PPP3CA: variants seen among roughly 807,000 people sequenced by gnomAD.
PPP3CA encodes the protein CAM-PRP catalytic subunit.
PPP3CA carries 14 observed loss-of-function variants against 66.5 expected under a neutral mutation model. The ratio of observed to expected loss-of-function variants is 0.21; its 90% CI spans 0.14 to 0.33. PPP3CA has a LOEUF of 0.33. PPP3CA is among the 10% of genes least tolerant of loss of function. The pLI, the probability that PPP3CA is intolerant of heterozygous loss-of-function variation, is 1.00. For synonymous variants in PPP3CA, 232 were observed against 226.2 expected (o/e 1.03, Z -0.23); for missense variants, 317 against 639.5 (o/e 0.50, Z 5.44).
chr4:101,320,165 TCA>T (rs533028829), intron 1 of PPP3CA, among the ~76,000 whole-genome samples: 35 of 150,580 alleles, frequency 2.3e-4, no homozygotes, highest in Non-Finnish European at 2.2e-4. Flanking sequence ...GTACATGTAC[TCA>T]CACACACACA....
chr4:101,184,858 G>T (rs1301196366), intron 2 of PPP3CA, among the ~76,000 whole-genome samples: 8 of 152,072 alleles, frequency 5.3e-5, no homozygotes, highest in Non-Finnish European at 7.4e-5. Flanking sequence ...GGCTAAACTA[G>T]GTGCTTTATT....
intron 1 of PPP3CA, among the ~76,000 whole-genome samples, chr4:101,260,934 TAAAAGA>T (rs1450688267): frequency 1.3e-5 from 2 of 152,090 alleles, no homozygotes; most frequent in Non-Finnish European, 2.9e-5. Flanking sequence ...AATGAGTTCT[TAAAAGA>T]AAGGATACAA....
At chr4:101,151,287 G>T (rs934442147) in intron 2 of PPP3CA, among the ~76,000 whole-genome samples, 3 of 151,998 alleles carry the variant, frequency 2.0e-5, no homozygotes, top group Admixed American at 1.3e-4. Context: ...CTCTCAGGCC[G>T]GGCACGGTGG....
In PPP3CA at chr4:101,162,631, C is replaced by T. The variant is rs115545252; in HGVS notation, c.259+33285G>A. Among the ~76,000 whole-genome samples, 597 of 152,076 alleles carry T rather than the reference C, an allele frequency of 3.9e-3. 8 individuals carry two copies. The highest frequency in any genetic ancestry group is 0.014 in the African/African-American group (565 of 41,460). Reference sequence around the variant, plus strand: ...TCTTTGACACTTTGTGGAATATAAACGTGACCCCCTGTGCAACATTTGACA... The same window carrying T: ...TCTTTGACACTTTGTGGAATATAAATGTGACCCCCTGTGCAACATTTGACA... On this transcript the variant is annotated intron_variant, in intron 2 of 13. Transcript: ENST00000394854.
At chr4:101,133,199 ATG>A (rs2110284571) in intron 2 of PPP3CA, among the ~76,000 whole-genome samples, 1 of 152,314 alleles carries the variant, frequency 6.6e-6, no homozygotes, top group African/African-American at 2.4e-5. Context: ...CAAGACAAGG[ATG>A]GCCTCTCTCA....
At chr4:101,310,785 T>C (rs952474621) in intron 1 of PPP3CA, among the ~76,000 whole-genome samples, 1 of 152,152 alleles carries the variant, frequency 6.6e-6, no homozygotes. Context: ...TTCAATACAA[T>C]GAAAGCACAA....
intron 13 of PPP3CA, among the ~76,000 whole-genome samples, chr4:101,026,367 G>A (rs1726651045): frequency 1.3e-5 from 2 of 152,148 alleles, no homozygotes; most frequent in African/African-American, 4.8e-5. Flanking sequence ...ACATAAAGAG[G>A]AAAGCTGCTT....
At chr4:101,237,421 A>G (rs1726164429) in intron 1 of PPP3CA, among the ~76,000 whole-genome samples, 1 of 152,040 alleles carries the variant, frequency 6.6e-6, no homozygotes. Flanking sequence ...ATGTCCACAC[A>G]AAGTAGCATG....
chr4:101,240,084 A>G (rs3804403), intron 1 of PPP3CA, among the ~76,000 whole-genome samples: 99,282 of 148,664 alleles, frequency 0.67, 34,131 homozygotes, highest in Middle Eastern at 0.76. Flanking sequence ...CTGGAACACA[A>G]GATCAACTGG....
chr4:101,232,423 T>C (rs1200695223), intron 1 of PPP3CA, among the ~76,000 whole-genome samples: 1 of 151,640 alleles, frequency 6.6e-6, no homozygotes, highest in South Asian at 2.1e-4. Context: ...AATTATTTTC[T>C]TCAAAAAAAA....
At chr4:101,045,388 G>A (rs1475146323) in intron 10 of PPP3CA, among the ~76,000 whole-genome samples, 1 of 152,188 alleles carries the variant, frequency 6.6e-6, no homozygotes, top group African/African-American at 2.4e-5. Context: ...TCAGCTGTAG[G>A]GGAAACATTT....
chr4:101,181,539 T>C (rs1402475823), intron 2 of PPP3CA, among the ~76,000 whole-genome samples: 2 of 152,084 alleles, frequency 1.3e-5, no homozygotes, highest in Non-Finnish European at 2.9e-5. Flanking sequence ...TGCGAATAGT[T>C]TTGTCAATTT....
intron 2 of PPP3CA, among the ~76,000 whole-genome samples, chr4:101,112,172 T>C (rs146541458): frequency 9.1e-4 from 139 of 152,206 alleles, no homozygotes; most frequent in African/African-American, 3.2e-3. Flanking sequence ...AACTGAAGCA[T>C]AATCTGGCAG....
At chr4:101,146,735 C>CTG (rs1398881249) in intron 2 of PPP3CA, among the ~76,000 whole-genome samples, 1 of 152,148 alleles carries the variant, frequency 6.6e-6, no homozygotes, top group Non-Finnish European at 1.5e-5. Flanking sequence ...GCCACCACGC[C>CTG]TGGCCAAGAA....
intron 2 of PPP3CA, among the ~76,000 whole-genome samples, chr4:101,133,857 T>A (rs1722528713): frequency 6.6e-6 from 1 of 152,130 alleles, no homozygotes; most frequent in Non-Finnish European, 1.5e-5. Context: ...ACTACAAGGC[T>A]ACAGTAACCA....
intron 11 of PPP3CA, among the ~76,000 whole-genome samples, chr4:101,033,284 AC>A (rs1487746973): frequency 8.3e-5 from 6 of 72,200 alleles, no homozygotes; most frequent in East Asian, 2.9e-4. Context: ...AGACACACAC[AC>A]ACACACAAAC....
chr4:101,160,970 G>A (rs747379668), intron 2 of PPP3CA, among the ~76,000 whole-genome samples: 7 of 152,158 alleles, frequency 4.6e-5, no homozygotes, highest in South Asian at 2.1e-4. Flanking sequence ...ATACAGTCAC[G>A]TACTGCATAA....
intron 1 of PPP3CA, among the ~76,000 whole-genome samples, chr4:101,333,546 T>G (rs920764295): frequency 3.9e-5 from 6 of 152,068 alleles, no homozygotes; most frequent in African/African-American, 1.4e-4. Context: ...AAAGACTTAT[T>G]GACACTGAAT....
intron 1 of PPP3CA, among the ~76,000 whole-genome samples, chr4:101,204,286 C>A (rs2110198652): frequency 6.6e-6 from 1 of 152,202 alleles, no homozygotes; most frequent in South Asian, 2.1e-4. Context: ...GGATTATTGG[C>A]ATGAGCCACC....
Sources: allele counts gnomAD v4.1 joint callset (sites outside exome capture counted in the v4.1 genomes callset), GRCh38; gene constraint gnomAD v4.1.1; transcripts MANE v1.5; gene names NCBI Gene and HGNC (gene_info 2026-07-23, HGNC 2026-07-21).